The following KMT2C variants were observed in gnomAD, a reference collection of about 807,000 sequenced individuals.
KMT2C encodes histone-lysine N-methyltransferase 2C.
KMT2C carries 88 observed loss-of-function variants against 507.9 expected under a neutral mutation model. The ratio of observed to expected loss-of-function variants is 0.17; its 90% CI spans 0.15 to 0.21. The LOEUF (loss-of-function observed/expected upper bound fraction) is 0.21. Ranked by LOEUF, KMT2C falls within the 10% of genes least tolerant of loss-of-function variation. KMT2C has a pLI of 1.00. For missense variants in KMT2C, 4,954 were observed against 5,957.8 expected (o/e 0.83, Z 5.55); for synonymous variants, 2,049 against 2,080.8 (o/e 0.98, Z 0.42).
In KMT2C at chr7:152,205,187, C is replaced by T; in HGVS notation, c.3880G>A (p.Gly1294Arg). The T allele has an allele frequency of 6.2e-7, 1 of 1,611,106 alleles. No individual in the cohort carries two copies. Among genetic ancestry groups the T allele is most frequent in the Non-Finnish European group, 8.5e-7 (1 of 1,178,380 alleles). The change falls in exon 25 of 59, where the codon GGG becomes AGG. Residue 1294 changes from glycine to arginine, a missense_variant. Physicochemically the swap from Gly to Arg is moderately radical, Grantham distance 125. Transcript: ENST00000262189. ...GFMVRQRSRTGQGKTKRSVIR... is the reference protein window; with the variant it reads ...GFMVRQRSRTRQGKTKRSVIR... ...ACAGATCTTTTGGTTTTCCCTTGCC[C>T]AGTTCGACTTCTTTGCCGCACCATA...
intron 31 of KMT2C, 106 bp from the exon 32 acceptor site, chr7:152,187,953 T>G: frequency 9.7e-7 from 1 of 1,027,442 alleles, no homozygotes; most frequent in Non-Finnish European, 1.4e-6. Context: ...TGGGTCCACA[T>G]AAACACACAT....
At chr7:152,236,514 G>A (rs2095277885) in intron 15 of KMT2C, among the ~76,000 whole-genome samples, 3 of 152,050 alleles carry the variant, frequency 2.0e-5, no homozygotes, top group Admixed American at 2.0e-4. Flanking sequence ...TCCCGGGGTT[G>A]GAAGCATATT....
intron 42 of KMT2C, among the ~76,000 whole-genome samples, chr7:152,165,450 A>G (rs1053304408): frequency 1.3e-5 from 2 of 152,244 alleles, no homozygotes; most frequent in Non-Finnish European, 1.5e-5. Flanking sequence ...TTTATTAAAC[A>G]TATCTTTACA....
At chr7:152,291,421 A>C (rs1427022078) in intron 6 of KMT2C, among the ~76,000 whole-genome samples, 1 of 152,244 alleles carries the variant, frequency 6.6e-6, no homozygotes, top group African/African-American at 2.4e-5. Flanking sequence ...GTACCTGCTA[A>C]TAAATAATAC....
intron 41 of KMT2C, 68 bp from the exon 42 acceptor site, chr7:152,167,446 C>CAA (rs2092778988): frequency 9.3e-7 from 1 of 1,080,576 alleles, no homozygotes; most frequent in Non-Finnish European, 1.4e-6. Context: ...TTACACAAAT[C>CAA]TATTTTGTAA....
At chr7:152,315,415 C>T (rs1004284848) in intron 3 of KMT2C, 77 bp from the exon 4 acceptor site, 4 of 1,016,972 alleles carry the variant, frequency 3.9e-6, no homozygotes, top group African/African-American at 3.2e-5. Flanking sequence ...ACTATAGATA[C>T]TTGTGCTTTT....
Position 152,252,018 on chromosome 7 carries a change from G to A in KMT2C, c.1542C>T (p.Cys514=), listed in dbSNP as rs996547808. The A allele has an allele frequency of 6.2e-7, 1 of 1,612,730 alleles. No individual in the cohort carries two copies. Among genetic ancestry groups the A allele is most frequent in the Non-Finnish European group, 8.5e-7 (1 of 1,179,210 alleles). ...CAGCTCCCAGGTGTTTACAATACATGCAGATATACTCTTCTTTGAGCTGAG... is the reference window on the plus strand; with the variant it reads ...CAGCTCCCAGGTGTTTACAATACATACAGATATACTCTTCTTTGAGCTGAG... ...LDTQLKEEYI[C]MYCKHLGAEM... The change falls in exon 11 of 59, where the codon TGC becomes TGT. Residue 514 remains cysteine, a synonymous_variant. Transcript: ENST00000262189.
rs763857547 is a variant in KMT2C, at chr7:152,182,067, C to T, written c.5793G>A (p.Ser1931=). The T allele has an allele frequency of 1.4e-5, 22 of 1,613,932 alleles. No homozygotes were observed. Among genetic ancestry groups the T allele is most frequent in the Admixed American group, 3.3e-5 (2 of 59,992 alleles). Residue 1931 remains serine (S), a synonymous_variant, in exon 36 of 59, where the codon TCG becomes TCA. Coordinates refer to ENST00000262189, the MANE Select transcript of KMT2C (RefSeq NM_170606.3). The part of the protein sequence containing the change: ...APVENCTPLS[S]VSRPLQMNET... The stretch of plus-strand genomic sequence containing the variant: ...CATTCATTTGAAGGGGCCTAGATAC[C>T]GATGATAAAGGTGTACAGTTTTCCA...
chr7:152,218,311 C>T (rs1227779751), intron 23 of KMT2C, among the ~76,000 whole-genome samples: 1 of 151,844 alleles, frequency 6.6e-6, no homozygotes, highest in Non-Finnish European at 1.5e-5. Flanking sequence ...TTACAGGTGC[C>T]TGCCACCACA....
chr7:152,232,889 T>G (rs2095164321), intron 16 of KMT2C, among the ~76,000 whole-genome samples: 1 of 152,156 alleles, frequency 6.6e-6, no homozygotes, highest in African/African-American at 2.4e-5. Context: ...AGAGATAAAG[T>G]ATCTATTTCT....
In KMT2C at chr7:152,138,238, G is replaced by A. The variant is rs1340787913; in HGVS notation, c.14643+558C>T. On this transcript the variant is annotated intron_variant, in intron 58 of 58. Transcript: ENST00000262189. This position sits in a 1 kb window ranked among gnomAD's most constrained non-coding sequence, Gnocchi z 4.2. ...CCAGAGTCACCTCTGAGAGCACGGA[G>A]ACAAACAGCAAGCTTGGCACTCGGC... 1 of 152,692 alleles carries A rather than the reference G, an allele frequency of 6.5e-6. No homozygotes were observed. The highest frequency in any genetic ancestry group is 1.5e-5 in the Non-Finnish European group (1 of 68,382). 9.5% of individuals were successfully genotyped at this position (152,692 alleles called of 1,614,324 possible). A position where few individuals can be genotyped will look rare whatever the true frequency, so the allele number is the denominator to read the frequency against.
chr7:152,231,167 G>A (rs1398096973), intron 16 of KMT2C, among the ~76,000 whole-genome samples: 1 of 149,638 alleles, frequency 6.7e-6, no homozygotes, highest in African/African-American at 2.5e-5. Flanking sequence ...ATATTATTTT[G>A]AATAACATCA....
intron 23 of KMT2C, among the ~76,000 whole-genome samples, chr7:152,219,332 A>G (rs1403314563): frequency 1.3e-5 from 2 of 152,012 alleles, no homozygotes; most frequent in Non-Finnish European, 2.9e-5. Context: ...TAATTAACTG[A>G]TTTTTTTTAA....
chr7:152,290,274 ATATATATATATATATATATATTT>A (rs2096395943), intron 6 of KMT2C, among the ~76,000 whole-genome samples: 3 of 25,210 alleles, frequency 1.2e-4, no homozygotes, highest in Admixed American at 5.6e-4. Context: ...ATATATATAT[ATATATATATATATATATATATTT>A]TTTTTTTTTT....
rs772587003 is a variant in KMT2C at position 152,145,226 on chromosome 7, G to A, written c.14101C>T (p.Leu4701Phe). 4.3e-6 allele frequency: 7 copies of A among 1,614,164 alleles called. No individual in the cohort carries two copies. The highest frequency in any genetic ancestry group is 3.3e-5 in the Admixed American group (2 of 60,022). Residue 4701 changes from leucine to phenylalanine, a missense_variant, in exon 54 of 59, where the codon CTT (leucine) becomes TTT (phenylalanine). This residue lies in a region of KMT2C where 221 missense variants were observed against 304.7 expected (regional missense o/e 0.73). Coordinates refer to ENST00000262189, the MANE Select transcript of KMT2C (RefSeq NM_170606.3). Reference protein sequence around the residue: ...YGRNPLMELPLAVNPTGCARS... With the variant: ...YGRNPLMELPFAVNPTGCARS... The stretch of plus-strand genomic sequence containing the variant: ...GCACAACCTGTGGGGTTAACGGCAA[G>A]AGGAAGTTCCATGAGAGGATTTCGG...
chr7:152,245,010 C>T (rs2095446478), intron 14 of KMT2C, among the ~76,000 whole-genome samples: 1 of 152,094 alleles, frequency 6.6e-6, no homozygotes, highest in African/African-American at 2.4e-5. Flanking sequence ...ATATAAATTC[C>T]ATTTTCTGTG....
chr7:152,377,728 C>T (rs1271068713), intron 1 of KMT2C, among the ~76,000 whole-genome samples: 1 of 141,800 alleles, frequency 7.1e-6, no homozygotes, highest in Non-Finnish European at 1.5e-5. Flanking sequence ...AAGCGAGACT[C>T]CGTCTCAAAA....
At chr7:152,374,424 TAAC>T (rs751721399) in intron 1 of KMT2C, among the ~76,000 whole-genome samples, 2 of 151,658 alleles carry the variant, frequency 1.3e-5, no homozygotes, top group African/African-American at 2.4e-5. Flanking sequence ...AATAGAAAAA[TAAC>T]AAATACAGTC....
chr7:152,430,250 C>T (rs908222436), intron 1 of KMT2C, among the ~76,000 whole-genome samples: 1 of 149,396 alleles, frequency 6.7e-6, no homozygotes, highest in African/African-American at 2.5e-5. Context: ...ATCCTGCCAA[C>T]AAGTTCTCAA....
Sources: gnomAD v4.1 joint callset for allele counts (sites outside exome capture counted in the v4.1 genomes callset) on GRCh38, gnomAD v4.1.1 for gene constraint, gnomAD v4.1.1 regional missense constraint, Gnocchi (gnomAD v3.1) non-coding constraint, MANE v1.5 for transcripts, NCBI Gene and HGNC (gene_info 2026-07-23, HGNC 2026-07-21) for gene names.